Variants in CAMTA1 observed in about 807,000 individuals in gnomAD.
CAMTA1 encodes calmodulin binding transcription activator 1.
Under a neutral mutation model 170.9 loss-of-function variants are expected in CAMTA1, and 27 were observed. The ratio of observed to expected loss-of-function variants is 0.16; its 90% CI spans 0.12 to 0.22. CAMTA1 has a LOEUF of 0.22. CAMTA1 is among the 10% of genes least tolerant of loss of function. The pLI, the probability that CAMTA1 is intolerant of heterozygous loss-of-function variation, is 1.00. For missense variants in CAMTA1, 1,619 were observed against 2,217.2 expected (o/e 0.73, Z 5.42); for synonymous variants, 833 against 891.5 (o/e 0.93, Z 1.17).
At chr1:7,100,292 T>C (rs1281875840) in intron 4 of CAMTA1, among the ~76,000 whole-genome samples, 1 of 152,216 alleles carries the variant, frequency 6.6e-6, no homozygotes, top group Non-Finnish European at 1.5e-5. Context: ...CCCTTTGGCT[T>C]TTCCTTTGTG....
intron 5 of CAMTA1, among the ~76,000 whole-genome samples, chr1:7,277,888 T>C (rs908471870): frequency 1.3e-5 from 2 of 152,206 alleles, no homozygotes; most frequent in Non-Finnish European, 1.5e-5. Context: ...TGATATCATA[T>C]ACTTAACCTG....
At chr1:7,749,788 G>T in intron 19 of CAMTA1, 1 of 456,172 alleles carries the variant, frequency 2.2e-6, no homozygotes, top group Non-Finnish European at 4.4e-6. Context: ...GGATAGCCTT[G>T]AAGGTAATGA....
At chr1:7,553,324 G>T (rs1005988824) in intron 6 of CAMTA1, among the ~76,000 whole-genome samples, 1 of 152,250 alleles carries the variant, frequency 6.6e-6, no homozygotes, top group Non-Finnish European at 1.5e-5. Context: ...GCTCAGCTAT[G>T]ATGAAGAGGG....
chr1:6,788,870 T>G (rs151053771), intron 1 of CAMTA1, among the ~76,000 whole-genome samples: 12 of 152,304 alleles, frequency 7.9e-5, no homozygotes, highest in Admixed American at 7.8e-4. Context: ...TCGCCACAGA[T>G]GATTGGAAAT....
Position 7,665,132 on chromosome 1 carries a change from G to T in CAMTA1, c.2585G>T (p.Gly862Val). The change falls in exon 9 of 23, where the codon GGC becomes GTC. Residue 862 changes from glycine (G) to valine (V), a missense_variant. Physicochemically the swap from Gly to Val is moderately radical, Grantham distance 109 (BLOSUM62 -3). Around this residue, in one of 8 missense-constraint regions of CAMTA1, gnomAD observed 731 missense variants for 907.6 expected, o/e 0.81. Coordinates refer to ENST00000303635, the MANE Select transcript of CAMTA1 (RefSeq NM_015215.4). The surrounding 1 kb of genome is among the most constrained non-coding windows in gnomAD (Gnocchi z 4.3). ...GCCGCCTCGGCCCAGGGCACCCTAG[G>T]CATGCTGCAGCAGAGCGGACGGGTG... ...VSAASAQGTL[G>V]MLQQSGRVFM... The T allele has an allele frequency of 6.6e-7, 1 of 1,516,722 alleles. No individual in the cohort carries two copies. The allele number at this position is 1,516,722 out of a possible 1,614,324, so 94.0% of individuals were successfully genotyped here.
intron 11 of CAMTA1, among the ~76,000 whole-genome samples, chr1:7,721,309 C>G (rs931156930): frequency 1.3e-5 from 2 of 152,172 alleles, no homozygotes; most frequent in Non-Finnish European, 2.9e-5. Flanking sequence ...GTGGTATGCT[C>G]TTGGGTAAGT....
intron 6 of CAMTA1, among the ~76,000 whole-genome samples, chr1:7,523,029 G>A (rs2094386500): frequency 6.6e-6 from 1 of 152,310 alleles, no homozygotes; most frequent in Middle Eastern, 3.4e-3. Flanking sequence ...ACCACGCCCA[G>A]CTAATTTTTG....
At chr1:7,539,092 C>T (rs1171164668) in intron 6 of CAMTA1, among the ~76,000 whole-genome samples, 9 of 152,230 alleles carry the variant, frequency 5.9e-5, no homozygotes, top group African/African-American at 4.8e-5. Flanking sequence ...ACAGAGCCCT[C>T]GGGCCTTCCA....
rs1461228645 is a variant in CAMTA1, at chr1:7,014,882, A to G, written c.235-76422A>G. 6.6e-6 allele frequency among the ~76,000 whole-genome samples: 1 copy of G among 152,102 alleles called. No individual in the cohort carries two copies. The highest frequency in any genetic ancestry group is 1.9e-4 in the East Asian group (1 of 5,188). On this transcript the variant is annotated intron_variant, in intron 3 of 22. Transcript: ENST00000303635. The surrounding 1 kb of genome is among the most constrained non-coding windows in gnomAD (Gnocchi z 4.2). ...CTGATGAATGCCTGGAGTTGTTTGT[A>G]TAATTGGGGCTCTGTGTGTCTTTTT...
intron 6 of CAMTA1, among the ~76,000 whole-genome samples, chr1:7,527,454 C>T (rs1307445739): frequency 6.6e-6 from 1 of 152,238 alleles, no homozygotes; most frequent in Admixed American, 6.5e-5. Flanking sequence ...CTTCTCCAGG[C>T]AGCTTGGGAC....
chr1:7,278,577 G>T (rs1291978371), intron 5 of CAMTA1, among the ~76,000 whole-genome samples: 1 of 152,132 alleles, frequency 6.6e-6, no homozygotes, highest in Non-Finnish European at 1.5e-5. Flanking sequence ...AATTTCCAAG[G>T]TCACTTAGCT....
chr1:7,521,441 TC>T (rs2094364003), intron 6 of CAMTA1, among the ~76,000 whole-genome samples: 1 of 152,112 alleles, frequency 6.6e-6, no homozygotes, highest in Admixed American at 6.6e-5. Flanking sequence ...CATTCCGTTT[TC>T]CCCATTTTTA....
At chr1:7,722,272 A>C (rs1217204917) in intron 11 of CAMTA1, among the ~76,000 whole-genome samples, 1 of 152,220 alleles carries the variant, frequency 6.6e-6, no homozygotes, top group East Asian at 1.9e-4. Flanking sequence ...TAAACATTTA[A>C]ATGAATATTA....
chr1:6,955,016 T>C (rs1282964969), intron 3 of CAMTA1, among the ~76,000 whole-genome samples: 4 of 151,980 alleles, frequency 2.6e-5, no homozygotes, highest in Admixed American at 2.0e-4. Flanking sequence ...TGTTTATTGA[T>C]TGTTGTCTCC....
At chr1:7,440,733 C>A (rs986387184) in intron 5 of CAMTA1, among the ~76,000 whole-genome samples, 1 of 152,214 alleles carries the variant, frequency 6.6e-6, no homozygotes, top group Non-Finnish European at 1.5e-5. Flanking sequence ...GGGGCAGAGG[C>A]AGCCTGACCA....
intron 3 of CAMTA1, among the ~76,000 whole-genome samples, chr1:7,043,032 G>C (rs183425308): frequency 6.6e-6 from 1 of 152,294 alleles, no homozygotes; most frequent in African/African-American, 2.4e-5. Flanking sequence ...GTGCTGCAGT[G>C]TGCTCTGGGG....
chr1:7,323,880 G>C (rs779134061), intron 5 of CAMTA1, among the ~76,000 whole-genome samples: 1 of 152,130 alleles, frequency 6.6e-6, no homozygotes, highest in Non-Finnish European at 1.5e-5. Flanking sequence ...CCCTGTGGTC[G>C]TGCTTTGTGA....
intron 4 of CAMTA1, among the ~76,000 whole-genome samples, chr1:7,226,489 T>C (rs1574027528): frequency 6.6e-6 from 1 of 152,280 alleles, no homozygotes; most frequent in African/African-American, 2.4e-5. Flanking sequence ...AACAGGCTCA[T>C]TGAAGAACAT....
At chr1:7,192,986 C>G (rs1421948231) in intron 4 of CAMTA1, among the ~76,000 whole-genome samples, 1 of 152,146 alleles carries the variant, frequency 6.6e-6, no homozygotes, top group African/African-American at 2.4e-5. Flanking sequence ...GGCAGGGGCT[C>G]ATCCCAGGTG....
Sources: gnomAD v4.1 joint callset for allele counts (sites outside exome capture counted in the v4.1 genomes callset) on GRCh38, gnomAD v4.1.1 for gene constraint, gnomAD v4.1.1 regional missense constraint, Gnocchi (gnomAD v3.1) non-coding constraint, MANE v1.5 for transcripts, NCBI Gene and HGNC (gene_info 2026-07-23, HGNC 2026-07-21) for gene names.